FBF1: variants seen among roughly 807,000 people sequenced by gnomAD.
FBF1 encodes Fas binding factor 1, also known as fas-binding factor 1.
In FBF1, 119 loss-of-function variants were observed where a neutral mutation model predicts 147.2. The observed-to-expected ratio is 0.81, with a 90% confidence interval of 0.70 to 0.94. The LOEUF is 0.94. FBF1 is among the 40% of genes least tolerant of loss of function. FBF1 has a pLI of 0.00. For synonymous variants in FBF1, 601 were observed against 609.0 expected, an observed-to-expected ratio of 0.99 and a Z score of 0.19; for missense variants, 1,449 against 1,500.8, an observed-to-expected ratio of 0.97 and a Z score of 0.57.
At chr17:75,931,126 G>A in intron 6 of FBF1, 103 bp downstream of exon 6, 1 of 1,195,330 alleles carries the variant, frequency 8.4e-7, no homozygotes, top group Non-Finnish European at 1.2e-6. Context: ...AAGTGACTTT[G>A]CAGGGACTTC....
At position 75,920,125 on chromosome 17, in the gene FBF1, G is replaced by T; in HGVS notation, c.1831-18C>A. 2 of 1,580,530 alleles carry T rather than the reference G, an allele frequency of 1.3e-6. No individual in the cohort carries two copies. Among genetic ancestry groups the T allele is most frequent in the Non-Finnish European group, 1.7e-6 (2 of 1,164,234 alleles). ...TTCCGCACCTGGGAGACAGCAGGAG[G>T]GCCAGCAACCAGGGAGGGGAGGTGG... On this transcript the variant is annotated intron_variant, in intron 18 of 29. Coordinates refer to ENST00000636174, the MANE Select transcript of FBF1 (RefSeq NM_001319193.2).
chr17:75,920,761 C>T (rs1449254678), intron 17 of FBF1, among the ~76,000 whole-genome samples: 1 of 152,044 alleles, frequency 6.6e-6, no homozygotes, highest in Non-Finnish European at 1.5e-5. Context: ...AGGCCTGAAG[C>T]CCACATGTTG....
intron 23 of FBF1, among the ~76,000 whole-genome samples, chr17:75,916,954 G>GA (rs1299298076): frequency 1.3e-5 from 2 of 152,184 alleles, no homozygotes; most frequent in Non-Finnish European, 2.9e-5. Flanking sequence ...AGATTCAAGC[G>GA]ATTCTCCCAC....
At chr17:75,931,467 G>A (rs1355849232) in intron 5 of FBF1, among the ~76,000 whole-genome samples, 178 bp from the exon 6 acceptor site, 2 of 152,188 alleles carry the variant, frequency 1.3e-5, no homozygotes, top group Non-Finnish European at 2.9e-5. Context: ...GTTAGCAGTA[G>A]AACTGCTTCA....
chr17:75,917,705 C>A, intron 23 of FBF1, 27 bp downstream of exon 23: 1 of 1,537,874 alleles, frequency 6.5e-7, no homozygotes, highest in South Asian at 1.2e-5. Context: ...GCAGGAGGGG[C>A]AGGAGGGCCA....
rs772449392 is a variant in FBF1 at position 75,935,641 on chromosome 17, C to T, written c.64G>A (p.Gly22Arg). ...SIDDFLGDLLGDDMTLPEKPV... is the reference protein window; with the variant it reads ...SIDDFLGDLLRDDMTLPEKPV... ...GGCAAGGCACACTTACTATCATCCCCTAGAAGGTCACCAAGAAAATCATCA... is the reference window on the plus strand; with the variant it reads ...GGCAAGGCACACTTACTATCATCCCTTAGAAGGTCACCAAGAAAATCATCA... The change falls in exon 4 of 30, where the codon GGG (glycine) becomes AGG (arginine). Residue 22 changes from glycine (G) to arginine (R), a missense_variant. Transcript: ENST00000636174. 3.9e-6 allele frequency: 6 copies of T among 1,536,810 alleles called. No individual in the cohort carries two copies. The African/African-American group carries it at 6.9e-5, about 18-fold the overall frequency.
At chr17:75,936,397 CAGG>C (rs2065625443) in intron 3 of FBF1, among the ~76,000 whole-genome samples, 1 of 151,960 alleles carries the variant, frequency 6.6e-6, no homozygotes, top group Non-Finnish European at 1.5e-5. Flanking sequence ...GAGGATGAGG[CAGG>C]AGAATTGCTT....
Position 75,926,887 on chromosome 17 carries a change from G to T in FBF1, c.476-10C>A. ...AATGGGTCTTCCAAGTCTCACAGCA[G>T]AAGGGAAAGCACAGGTCAGACTGCA... is the stretch of plus-strand genomic sequence containing the variant. On this transcript the variant is annotated splice_polypyrimidine_tract_variant and intron_variant, in intron 9 of 29. Transcript: ENST00000636174. 1 of 1,607,294 alleles carries T rather than the reference G, an allele frequency of 6.2e-7. No homozygotes were observed. Among genetic ancestry groups the T allele is most frequent in the Non-Finnish European group, 8.5e-7 (1 of 1,176,722 alleles).
intron 23 of FBF1, 123 bp from the exon 24 acceptor site, chr17:75,915,262 C>G: frequency 1.4e-6 from 2 of 1,400,068 alleles, no homozygotes; most frequent in Non-Finnish European, 1.9e-6. Context: ...CACGTCCTTC[C>G]CAAAGAGGCA....
chr17:75,921,369 G>A (rs1436612370), intron 16 of FBF1, 67 bp from the exon 17 acceptor site: 3 of 1,554,258 alleles, frequency 1.9e-6, no homozygotes, highest in Non-Finnish European at 2.6e-6. Context: ...TGTCCAGGAG[G>A]GGCTGGTGTA....
rs749085238 is a variant in FBF1 at position 75,914,027 on chromosome 17, C to T, written c.3015G>A (p.Glu1005=). The T allele has an allele frequency of 2.5e-6, 4 of 1,587,622 alleles. No individual in the cohort carries two copies. The highest frequency in any genetic ancestry group is 3.4e-6 in the Non-Finnish European group (4 of 1,174,198). ...GGGCCTCGCGCAATGCCCGCTCCCCCTCCTCGTACTTCTCGGAGGCCACCT... is the reference window on the plus strand; with the variant it reads ...GGGCCTCGCGCAATGCCCGCTCCCCTTCCTCGTACTTCTCGGAGGCCACCT... The part of the protein sequence containing the change: ...MSKVASEKYE[E]GERALREAQQ... Residue 1005 remains glutamate (E), a synonymous_variant, in exon 27 of 30, where the codon GAG becomes GAA. Transcript: ENST00000636174.
Position 75,921,556 on chromosome 17 carries a change from G to A in FBF1, c.1531C>T (p.Pro511Ser), listed in dbSNP as rs201473913. The A allele has an allele frequency of 6.2e-7, 1 of 1,612,084 alleles. No homozygotes were observed. The highest frequency in any genetic ancestry group is 2.2e-5 in the East Asian group (1 of 44,830). Residue 511 changes from proline (P) to serine (S), a missense_variant, in exon 16 of 30, where the codon CCT becomes TCT. Coordinates refer to ENST00000636174, the MANE Select transcript of FBF1 (RefSeq NM_001319193.2). Reference protein sequence around the residue: ...PCVRPGVSGSPVTQNHAASAL... With the variant: ...PCVRPGVSGSSVTQNHAASAL... The stretch of plus-strand genomic sequence containing the variant: ...GAGGCGGCATGGTTCTGAGTCACAG[G>A]GGACCTGAGGACACAGGGATGGGGC...
chr17:75,940,247 CTTT>C (rs1293230064), intron 1 of FBF1, among the ~76,000 whole-genome samples: 3 of 138,870 alleles, frequency 2.2e-5, no homozygotes, highest in Admixed American at 7.2e-5. Flanking sequence ...GGCCTTCTTT[CTTT>C]TTTTTTTTTC....
chr17:75,933,385 A>G (rs1241702551), intron 4 of FBF1, among the ~76,000 whole-genome samples: 1 of 152,134 alleles, frequency 6.6e-6, no homozygotes. Context: ...CCACAGCCCA[A>G]AACTGTAGGC....
At chr17:75,935,293 T>C (rs1477787742) in intron 4 of FBF1, among the ~76,000 whole-genome samples, 4 of 151,816 alleles carry the variant, frequency 2.6e-5, no homozygotes, top group Non-Finnish European at 5.9e-5. Context: ...GCTTTCCAAG[T>C]AGGTGGGATT....
intron 13 of FBF1, among the ~76,000 whole-genome samples, chr17:75,924,917 C>T (rs1164582405): frequency 3.3e-5 from 5 of 152,004 alleles, no homozygotes; most frequent in South Asian, 2.1e-4. Flanking sequence ...AGAATTGTCA[C>T]GGCAGGTTCG....
intron 16 of FBF1, 56 bp from the exon 17 acceptor site, chr17:75,921,358 G>C: frequency 6.4e-7 from 1 of 1,556,346 alleles, no homozygotes; most frequent in Non-Finnish European, 8.7e-7. Flanking sequence ...GGGCCTGCGA[G>C]TGTCCAGGAG....
Position 75,937,320 on chromosome 17 carries a change from G to A in FBF1, c.31+246C>T, listed in dbSNP as rs141085806. Among the ~76,000 whole-genome samples, 181 of 151,954 alleles carry A rather than the reference G, an allele frequency of 1.2e-3. 1 individual carries two copies. In the East Asian group the frequency reaches 0.033, roughly 27 times the overall value. On this transcript the variant is annotated intron_variant, in intron 3 of 29. Coordinates refer to ENST00000636174, the MANE Select transcript of FBF1 (RefSeq NM_001319193.2). ...CGAGTAGCTGGGACTACAGGCACCC[G>A]CCACCACGCCCGGCTAATTTTTTGT...
Position 75,909,867 on chromosome 17 carries a change from T to C in FBF1, c.*856A>G, listed in dbSNP as rs556662277. On this transcript the variant is annotated 3_prime_UTR_variant, in exon 30 of 30. Coordinates refer to ENST00000636174, the MANE Select transcript of FBF1 (RefSeq NM_001319193.2). Reference sequence around the variant, plus strand: ...TGAGCCATGGCAAAAGCAGTTTTTTTAAGCTTAGTCAAGTTGAAGCAGCGG... The same window carrying C: ...TGAGCCATGGCAAAAGCAGTTTTTTCAAGCTTAGTCAAGTTGAAGCAGCGG... The C allele has an allele frequency of 2.9e-6, 2 of 696,858 alleles. No individual in the cohort carries two copies. The highest frequency in any genetic ancestry group is 2.0e-5 in the Admixed American group (1 of 49,558). 43.2% of individuals were successfully genotyped at this position (696,858 alleles called of 1,614,324 possible). A position where few individuals can be genotyped will look rare whatever the true frequency, so the allele number is the denominator to read the frequency against.
Sources: gnomAD v4.1 joint callset for allele counts (sites outside exome capture counted in the v4.1 genomes callset) on GRCh38, gnomAD v4.1.1 for gene constraint, MANE v1.5 for transcripts, NCBI Gene and HGNC (gene_info 2026-07-23, HGNC 2026-07-21) for gene names.